The following PON2 variants were observed in gnomAD, a reference collection of about 807,000 sequenced individuals.
The protein encoded by PON2 is paraoxonase 2, also known as serum paraoxonase/arylesterase 2.
A neutral mutation model predicts 36.6 loss-of-function variants in PON2; 27 were observed. The observed-to-expected ratio is 0.74, with a 90% confidence interval of 0.54 to 1.02. The LOEUF (loss-of-function observed/expected upper bound fraction) is 1.02, where lower values mean the gene tolerates loss of function less well. Among genes scored for constraint, PON2 ranks in the 50% least tolerant of loss-of-function variants. PON2 has a pLI of 0.00. For synonymous variants in PON2, 149 were observed against 156.3 expected (o/e 0.95, Z 0.35); for missense variants, 363 against 421.1 (o/e 0.86, Z 1.21).
At chr7:95,432,463 C>T (rs912051597) in intron 1 of PON2, among the ~76,000 whole-genome samples, 2 of 152,028 alleles carry the variant, frequency 1.3e-5, no homozygotes, top group African/African-American at 4.8e-5. Context: ...TGTAAATAAA[C>T]TATCAGGCAT....
chr7:95,422,563 A>C (rs1054568389), intron 2 of PON2, among the ~76,000 whole-genome samples: 1 of 152,220 alleles, frequency 6.6e-6, no homozygotes, highest in Non-Finnish European at 1.5e-5. Flanking sequence ...CTAGTTTTGA[A>C]ATATTATGCA....
At chr7:95,426,860 T>C (rs1255642042) in intron 1 of PON2, among the ~76,000 whole-genome samples, 1 of 152,218 alleles carries the variant, frequency 6.6e-6, no homozygotes, top group African/African-American at 2.4e-5. Context: ...TATACAAAAA[T>C]AGGGATAACG....
chr7:95,406,019 C>G, intron 8 of PON2, 100 bp downstream of exon 8: 1 of 1,378,144 alleles, frequency 7.3e-7, no homozygotes, highest in Non-Finnish European at 1.0e-6. Context: ...TATATTATTG[C>G]TTTAAAATAA....
At chr7:95,433,716 C>A (rs943750635) in intron 1 of PON2, among the ~76,000 whole-genome samples, 1 of 152,218 alleles carries the variant, frequency 6.6e-6, no homozygotes, top group Non-Finnish European at 1.5e-5. Context: ...ATTTGCTAGT[C>A]TTCCAACTTC....
chr7:95,430,818 T>G (rs189015157), intron 1 of PON2, among the ~76,000 whole-genome samples: 10 of 147,250 alleles, frequency 6.8e-5, no homozygotes, highest in Admixed American at 1.4e-4. Context: ...AAAAAATAAA[T>G]AAAGAAGTTT....
intron 5 of PON2, 36 bp downstream of exon 5, chr7:95,411,617 G>A: frequency 2.5e-6 from 4 of 1,612,834 alleles, no homozygotes; most frequent in East Asian, 2.2e-5. Context: ...GCAAATGCTG[G>A]GGATAAATTA....
chr7:95,416,113 GTT>G, intron 3 of PON2, 127 bp downstream of exon 3: 3 of 1,490,040 alleles, frequency 2.0e-6, no homozygotes, highest in Non-Finnish European at 2.7e-6. Context: ...CCAAGATCTT[GTT>G]TGACCTCTCT....
chr7:95,420,273 C>T (rs1789162371), intron 2 of PON2, among the ~76,000 whole-genome samples: 1 of 152,124 alleles, frequency 6.6e-6, no homozygotes, highest in South Asian at 2.1e-4. Flanking sequence ...TCTTGACTGC[C>T]AAGTGCATAA....
In PON2 at chr7:95,416,275, GTCAATA is replaced by G; in HGVS notation, c.162_167del (p.Asp56_Ile57del). 1 of 1,613,568 alleles carries G rather than the reference GTCAATA, an allele frequency of 6.2e-7. No homozygotes were observed. The highest frequency in any genetic ancestry group is 2.2e-5 in the East Asian group (1 of 44,842). On this transcript the variant is annotated inframe_deletion, in exon 3 of 9. Coordinates refer to ENST00000222572, the MANE Select transcript of PON2 (RefSeq NM_000305.3). ...AAAAAGCCAGACCATTGGGAAGTAT[GTCAATA>G]TCTTCAGAGCCAGCTTCTGTAAGTT... is the stretch of plus-strand genomic sequence containing the variant.
rs202012911 is a variant in PON2, at chr7:95,410,071, T to G, written c.525A>C (p.Ala175=). Residue 175 remains alanine, a synonymous_variant, in exon 6 of 9, where the codon GCA becomes GCC. Transcript: ENST00000222572. ...SVNDITAVGP[A]HFYATNDHYF... ...AGTGGTCATTTGTGGCATAGAAATG[T>G]GCCGGTCCAACAGCTGTGATGTCAT... The G allele has an allele frequency of 1.2e-6, 2 of 1,613,732 alleles. No homozygotes were observed. The highest frequency in any genetic ancestry group is 1.3e-5 in the African/African-American group (1 of 75,008).
At chr7:95,418,647 T>C (rs1369244088) in intron 2 of PON2, among the ~76,000 whole-genome samples, 1 of 152,230 alleles carries the variant, frequency 6.6e-6, no homozygotes, top group Non-Finnish European at 1.5e-5. Flanking sequence ...TTTCAACTTA[T>C]TTTATTTCAA....
rs940151050 is a variant in PON2, at chr7:95,435,007, G to T, written c.-56C>A. On this transcript the variant is annotated 5_prime_UTR_variant, in exon 1 of 9. Coordinates refer to ENST00000222572, the MANE Select transcript of PON2 (RefSeq NM_000305.3). ...CGGCCTGGCCAGCAGCTCCGTGGGC[G>T]GTGCCATCTTCCCGGCTCGATGGTG... 3.4e-6 allele frequency: 5 copies of T among 1,472,590 alleles called. No homozygotes were observed. The highest frequency in any genetic ancestry group is 4.5e-6 in the Non-Finnish European group (5 of 1,113,210). 91.2% of individuals were successfully genotyped at this position (1,472,590 alleles called of 1,614,324 possible). A position where few individuals can be genotyped will look rare whatever the true frequency, so the allele number is the denominator to read the frequency against.
At chr7:95,428,810 AAGGAATT>A (rs1231598938) in intron 1 of PON2, among the ~76,000 whole-genome samples, 1 of 152,192 alleles carries the variant, frequency 6.6e-6, no homozygotes, top group Non-Finnish European at 1.5e-5. Context: ...ACAAAGGTTT[AAGGAATT>A]ATGCTTGAAT....
intron 8 of PON2, 51 bp downstream of exon 8, chr7:95,406,068 A>C (rs1809679038): frequency 6.5e-7 from 1 of 1,544,614 alleles, no homozygotes; most frequent in Admixed American, 1.7e-5. Flanking sequence ...TTGTATTATT[A>C]GTTCAAAAGG....
At chr7:95,411,545 T>TAGCTAATATGTAAG in intron 5 of PON2, 108 bp downstream of exon 5, 2 of 1,308,284 alleles carry the variant, frequency 1.5e-6, no homozygotes, top group Non-Finnish European at 2.2e-6. Context: ...TCTTACATAT[T>TAGCTAATATGTAAG]AGCTAATATA....
At chr7:95,415,230 C>A (rs1789033653) in intron 3 of PON2, 1 of 152,198 alleles carries the variant, frequency 6.6e-6, no homozygotes, top group South Asian at 2.1e-4. Context: ...TCTGCCCAAG[C>A]CAGGGAGGTA....
At position 95,409,888 on chromosome 7, in the gene PON2, T is replaced by A; in HGVS notation, c.695+13A>T. 6.2e-7 allele frequency: 1 copy of A among 1,610,074 alleles called. No individual in the cohort carries two copies. The highest frequency in any genetic ancestry group is 8.5e-7 in the Non-Finnish European group (1 of 1,177,786). ...ACTGAAGAAAAATGAAGATATTCTA[T>A]AAGGGGCCATACTTATCATCAGGTG... On this transcript the variant is annotated intron_variant, in intron 6 of 8. Transcript: ENST00000222572.
intron 4 of PON2, 95 bp from the exon 5 acceptor site, chr7:95,411,874 T>C (rs930942829): frequency 7.5e-7 from 1 of 1,336,342 alleles, no homozygotes; most frequent in Non-Finnish European, 1.1e-6. Flanking sequence ...AAGGAAAGGT[T>C]GAATGTATAA....
chr7:95,424,452 G>C, intron 2 of PON2, 63 bp downstream of exon 2: 1 of 1,270,674 alleles, frequency 7.9e-7, no homozygotes, highest in Non-Finnish European at 1.2e-6. Flanking sequence ...TGCCATTAAT[G>C]AGTGTTTTAA....
Sources: gnomAD v4.1 joint callset for allele counts (sites outside exome capture counted in the v4.1 genomes callset) on GRCh38, gnomAD v4.1.1 for gene constraint, MANE v1.5 for transcripts, NCBI Gene and HGNC (gene_info 2026-07-23, HGNC 2026-07-21) for gene names.